TTC28: variants seen among roughly 807,000 people sequenced by gnomAD.
The protein encoded by TTC28 is tetratricopeptide repeat protein 28.
TTC28 carries 61 observed loss-of-function variants against 198.0 expected under a neutral mutation model. The observed-to-expected ratio is 0.31, with a 90% CI of 0.25 to 0.38. The LOEUF (loss-of-function observed/expected upper bound fraction) is 0.38. Among genes scored for constraint, TTC28 ranks in the 10% least tolerant of loss-of-function variants. The probability of loss-of-function intolerance (pLI) is 1.00; values close to 1 mark genes in which losing one functional copy is unlikely to be tolerated. For synonymous variants in TTC28, 1,171 were observed against 1,297.8 expected, an observed-to-expected ratio of 0.90 and a Z score of 2.10; for missense variants, 2,678 against 3,164.0, an observed-to-expected ratio of 0.85 and a Z score of 3.69.
chr22:28,674,416 C>A (rs1451293431), intron 1 of TTC28, among the ~76,000 whole-genome samples: 1 of 152,058 alleles, frequency 6.6e-6, no homozygotes, highest in Admixed American at 6.6e-5. Context: ...ATCCCTACCA[C>A]AGGCAAGGCA....
rs1212309724 is a variant in TTC28, at chr22:28,127,039, AT to A, written c.1442-18637del. Among the ~76,000 whole-genome samples the A allele has an allele frequency of 3.3e-5, 5 of 152,322 alleles. No homozygotes were observed. In the East Asian group the frequency reaches 5.8e-4, roughly 18 times the overall value. ...CTGTGCTAGGCTCCAAATTTTAAAAATATCTTAATAAATTAAAGCAAAACAC... is the reference window on the plus strand; with the variant it reads ...CTGTGCTAGGCTCCAAATTTTAAAAAATCTTAATAAATTAAAGCAAAACAC... On this transcript the variant is annotated intron_variant, in intron 6 of 22. Transcript: ENST00000397906.
At chr22:28,661,140 C>T (rs560311433) in intron 1 of TTC28, among the ~76,000 whole-genome samples, 24 of 151,836 alleles carry the variant, frequency 1.6e-4, no homozygotes, top group Middle Eastern at 3.4e-3. Flanking sequence ...CAAAATTAGC[C>T]GTGTGTGGTG....
intron 12 of TTC28, among the ~76,000 whole-genome samples, chr22:28,080,038 C>G (rs1023041860): frequency 1.3e-5 from 2 of 152,088 alleles, no homozygotes; most frequent in African/African-American, 4.8e-5. Flanking sequence ...TGATTTTCTT[C>G]TTTTTTAAGG....
chr22:28,028,574 C>T (rs1569091717), intron 13 of TTC28, among the ~76,000 whole-genome samples: 1 of 152,216 alleles, frequency 6.6e-6, no homozygotes, highest in African/African-American at 2.4e-5. Context: ...GGATGCCTGA[C>T]TGTCTGCTTT....
intron 6 of TTC28, among the ~76,000 whole-genome samples, chr22:28,160,186 T>C (rs1253768695): frequency 6.6e-6 from 1 of 152,178 alleles, no homozygotes; most frequent in African/African-American, 2.4e-5. Flanking sequence ...AACTTAATTG[T>C]ACATTTGAAA....
At chr22:28,607,850 C>T (rs932933837) in intron 2 of TTC28, among the ~76,000 whole-genome samples, 9 of 152,194 alleles carry the variant, frequency 5.9e-5, no homozygotes, top group Admixed American at 2.0e-4. Flanking sequence ...TCTACCACCA[C>T]TACTCTAGTC....
chr22:28,612,047 T>C (rs1171093644), intron 2 of TTC28, among the ~76,000 whole-genome samples: 1 of 151,406 alleles, frequency 6.6e-6, no homozygotes, highest in African/African-American at 2.4e-5. Context: ...GGATAAAGAG[T>C]CAAGACCCAT....
intron 2 of TTC28, among the ~76,000 whole-genome samples, chr22:28,371,742 C>T (rs1219730748): frequency 4.1e-5 from 6 of 145,680 alleles, no homozygotes; most frequent in East Asian, 2.1e-4. Flanking sequence ...TCACCATGCC[C>T]GGCTAATTTT....
chr22:28,407,773 C>T (rs574039017), intron 2 of TTC28, among the ~76,000 whole-genome samples: 3 of 152,284 alleles, frequency 2.0e-5, no homozygotes, highest in African/African-American at 7.2e-5. Flanking sequence ...CTGACAAATT[C>T]TTATCTCCCC....
At chr22:28,050,665 C>T (rs1382738658) in intron 12 of TTC28, among the ~76,000 whole-genome samples, 2 of 152,108 alleles carry the variant, frequency 1.3e-5, no homozygotes, top group Non-Finnish European at 2.9e-5. Flanking sequence ...TTGTTTCCTA[C>T]ACATGCACTA....
intron 5 of TTC28, among the ~76,000 whole-genome samples, chr22:28,265,744 G>A (rs1054418711): frequency 7.2e-5 from 11 of 152,082 alleles, no homozygotes; most frequent in Non-Finnish European, 1.6e-4. Flanking sequence ...CATATATTCA[G>A]AAAAACTATG....
chr22:28,347,317 T>G (rs2045920119), intron 2 of TTC28, among the ~76,000 whole-genome samples: 1 of 150,800 alleles, frequency 6.6e-6, no homozygotes, highest in East Asian at 1.9e-4. Flanking sequence ...CTCTTGAAAG[T>G]CATTGCCCTT....
At chr22:28,497,705 T>C (rs938806260) in intron 2 of TTC28, among the ~76,000 whole-genome samples, 1 of 152,140 alleles carries the variant, frequency 6.6e-6, no homozygotes, top group African/African-American at 2.4e-5. Context: ...ACAAGAGGTA[T>C]GAGTTAAATC....
chr22:28,317,517 G>A lies in TTC28; in HGVS notation c.382-10874C>T, dbSNP rs1468185854. ...TTCACAGGTTTTGTTGTTCTATTAGGACCTGTCCTTCATATGCGCCACTGA... is the reference window on the plus strand; with the variant it reads ...TTCACAGGTTTTGTTGTTCTATTAGAACCTGTCCTTCATATGCGCCACTGA... On this transcript the variant is annotated intron_variant, in intron 2 of 22. Transcript: ENST00000397906. Among the ~76,000 whole-genome samples, 3 of 152,194 alleles carry A rather than the reference G, an allele frequency of 2.0e-5. No individual in the cohort carries two copies. The East Asian group carries it at 5.8e-4, about 29-fold the overall frequency.
At chr22:28,621,300 G>A (rs2050990696) in intron 2 of TTC28, among the ~76,000 whole-genome samples, 1 of 152,116 alleles carries the variant, frequency 6.6e-6, no homozygotes, top group Admixed American at 6.6e-5. Flanking sequence ...CAAGAACAAT[G>A]TTACAATAAA....
chr22:28,500,425 G>A (rs995536397), intron 2 of TTC28, among the ~76,000 whole-genome samples: 1 of 151,986 alleles, frequency 6.6e-6, no homozygotes, highest in African/African-American at 2.4e-5. Context: ...TATCCACTTT[G>A]CTAACAAAAC....
intron 5 of TTC28, among the ~76,000 whole-genome samples, chr22:28,266,471 T>C (rs1931691314): frequency 6.6e-6 from 1 of 152,188 alleles, no homozygotes. Context: ...GGGATGTGGG[T>C]TGACTCTGGG....
intron 2 of TTC28, among the ~76,000 whole-genome samples, chr22:28,561,120 C>G (rs1488604991): frequency 1.5e-5 from 2 of 132,536 alleles, no homozygotes; most frequent in East Asian, 4.6e-4. Flanking sequence ...GTCACCCAGG[C>G]TGGAGTGCAG....
At chr22:28,645,250 G>C (rs2051440333) in intron 1 of TTC28, among the ~76,000 whole-genome samples, 1 of 151,882 alleles carries the variant, frequency 6.6e-6, no homozygotes, top group South Asian at 2.1e-4. Flanking sequence ...AACCAAAAAA[G>C]AAAACTACAA....
Sources: gnomAD v4.1 joint callset for allele counts (sites outside exome capture counted in the v4.1 genomes callset) on GRCh38, gnomAD v4.1.1 for gene constraint, MANE v1.5 for transcripts, NCBI Gene and HGNC (gene_info 2026-07-23, HGNC 2026-07-21) for gene names.